AKT3: variants seen among roughly 807,000 people sequenced by gnomAD.
AKT3 encodes RAC-gamma serine/threonine-protein kinase.
A neutral mutation model predicts 65.3 loss-of-function variants in AKT3; 15 were observed. That is an observed-to-expected ratio of 0.23 (90% CI 0.15 to 0.35). The LOEUF is 0.35. AKT3 is among the 10% of genes least tolerant of loss of function. AKT3 has a pLI of 1.00. For synonymous variants in AKT3, 206 were observed against 183.8 expected, an observed-to-expected ratio of 1.12 and a Z score of -0.98; for missense variants, 243 against 576.5, an observed-to-expected ratio of 0.42 and a Z score of 5.92.
chr1:243,807,466 C>T (rs571911572), intron 2 of AKT3, among the ~76,000 whole-genome samples: 31 of 150,208 alleles, frequency 2.1e-4, no homozygotes, highest in Admixed American at 6.6e-4. Flanking sequence ...CAAACTGCAA[C>T]GCGGCAGCAA....
chr1:243,638,058 G>A (rs1231355458), intron 5 of AKT3, among the ~76,000 whole-genome samples: 1 of 152,030 alleles, frequency 6.6e-6, no homozygotes, highest in East Asian at 1.9e-4. Context: ...AGTTTTCAAG[G>A]ATTTAGTAGT....
chr1:243,626,582 A>T (rs1014243381), intron 6 of AKT3, among the ~76,000 whole-genome samples: 1 of 152,170 alleles, frequency 6.6e-6, no homozygotes, highest in South Asian at 2.1e-4. Flanking sequence ...TCTTTTAACT[A>T]ATCTCCTAGT....
intron 8 of AKT3, among the ~76,000 whole-genome samples, chr1:243,612,251 G>A (rs1358190171): frequency 6.6e-6 from 1 of 151,852 alleles, no homozygotes; most frequent in Non-Finnish European, 1.5e-5. Flanking sequence ...GGGAGTACAG[G>A]AGCTGGGTGT....
intron 5 of AKT3, among the ~76,000 whole-genome samples, chr1:243,640,630 C>T (rs1005354815): frequency 1.3e-5 from 2 of 152,050 alleles, no homozygotes; most frequent in African/African-American, 4.8e-5. Context: ...GAGAGAGAGA[C>T]CAAGTGGAGG....
intron 8 of AKT3, among the ~76,000 whole-genome samples, chr1:243,584,709 T>TA (rs1675663160): frequency 6.6e-6 from 1 of 151,996 alleles, no homozygotes; most frequent in South Asian, 2.1e-4. Context: ...CACTTTATGA[T>TA]AAAAACCCTC....
intron 8 of AKT3, chr1:243,613,146 T>C (rs1678021099): frequency 7.1e-6 from 1 of 141,142 alleles, no homozygotes; most frequent in Non-Finnish European, 1.5e-5. Context: ...TACATACATA[T>C]ATATACACAT....
At chr1:243,754,805 C>T (rs1689025483) in intron 2 of AKT3, among the ~76,000 whole-genome samples, 1 of 152,174 alleles carries the variant, frequency 6.6e-6, no homozygotes. Flanking sequence ...TCCATGAAAG[C>T]AGCCCCCGGT....
In AKT3 at chr1:243,769,148, TATTTC is replaced by T. The variant is rs1429666826; in HGVS notation, c.47-73437_47-73433del. 4.6e-5 allele frequency among the ~76,000 whole-genome samples: 7 copies of T among 152,320 alleles called. No individual in the cohort carries two copies. In the East Asian group the frequency reaches 9.6e-4, roughly 21 times the overall value. The stretch of plus-strand genomic sequence containing the variant: ...TTCACTTAGCCGAGCTTTTCAAGGT[TATTTC>T]ATTTCTTTTCTGTCTGAATAATGCT... On this transcript the variant is annotated intron_variant, in intron 2 of 13. Transcript: ENST00000673466.
intron 2 of AKT3, chr1:243,735,892 T>A (rs1364459192): frequency 6.6e-6 from 1 of 152,214 alleles, no homozygotes; most frequent in Admixed American, 6.5e-5. Context: ...CAAATATTAT[T>A]AAAAAGTAAA....
chr1:243,573,171 A>G (rs1674687191), intron 8 of AKT3, 123 bp from the exon 9 acceptor site: 1 of 1,180,194 alleles, frequency 8.5e-7, no homozygotes. Flanking sequence ...CTCAGTGGAC[A>G]CTGAGCACTC....
chr1:243,773,206 A>AT (rs1461518465), intron 2 of AKT3, among the ~76,000 whole-genome samples: 20 of 146,094 alleles, frequency 1.4e-4, no homozygotes, highest in Admixed American at 6.8e-5. Flanking sequence ...TATATATAAA[A>AT]AATATATATA....
At chr1:243,527,926 CACACACACACAGAG>C (rs1205859643) in intron 12 of AKT3, among the ~76,000 whole-genome samples, 264 of 62,210 alleles carry the variant, frequency 4.2e-3, no homozygotes, top group Middle Eastern at 7.4e-3. Flanking sequence ...CACACACACA[CACACACACACAGAG>C]AGAGAGAGAG....
chr1:243,762,467 G>A (rs1199481155), intron 2 of AKT3, among the ~76,000 whole-genome samples: 3 of 152,128 alleles, frequency 2.0e-5, no homozygotes, highest in East Asian at 1.9e-4. Flanking sequence ...GGCTATGAAA[G>A]CATCCAAAAA....
chr1:243,534,853 T>C (rs1671785317), intron 12 of AKT3, among the ~76,000 whole-genome samples: 1 of 151,994 alleles, frequency 6.6e-6, no homozygotes, highest in African/African-American at 2.4e-5. Context: ...TAGAGGAAAA[T>C]TTATAGCATT....
At chr1:243,530,722 C>T (rs554157457) in intron 12 of AKT3, among the ~76,000 whole-genome samples, 2 of 152,176 alleles carry the variant, frequency 1.3e-5, no homozygotes, top group Admixed American at 6.5e-5. Context: ...AAAAGATGAA[C>T]AAATCCAGGA....
intron 2 of AKT3, among the ~76,000 whole-genome samples, chr1:243,842,622 GC>G (rs1183542364): frequency 6.6e-6 from 1 of 152,042 alleles, no homozygotes; most frequent in Non-Finnish European, 1.5e-5. Flanking sequence ...TCCTCATTTG[GC>G]CTTTTACGTC....
chr1:243,597,296 C>T (rs752991965), intron 8 of AKT3, among the ~76,000 whole-genome samples: 6 of 152,088 alleles, frequency 3.9e-5, no homozygotes, highest in Non-Finnish European at 7.3e-5. Flanking sequence ...AGTGTATCTA[C>T]ATAATTAGTA....
At chr1:243,509,070 A>G (rs748351581) in intron 13 of AKT3, among the ~76,000 whole-genome samples, 1 of 152,166 alleles carries the variant, frequency 6.6e-6, no homozygotes, top group Non-Finnish European at 1.5e-5. Flanking sequence ...CTCTGTCTCA[A>G]TCTAGAAGTG....
Position 243,501,598 on chromosome 1 carries a change from ATGTG to A in AKT3, c.*3647_*3650del, listed in dbSNP as rs372382366. Reference sequence around the variant, plus strand: ...TTCACTGAAGTAAAAATGATCCCCTATGTGTGTGTGTGTGAGCTACAAGGAATTA... The same window carrying A: ...TTCACTGAAGTAAAAATGATCCCCTATGTGTGTGTGAGCTACAAGGAATTA... On this transcript the variant is annotated 3_prime_UTR_variant, in exon 14 of 14. Transcript: ENST00000673466. The A allele has an allele frequency of 1.3e-5, 3 of 229,716 alleles. No homozygotes were observed. The highest frequency in any genetic ancestry group is 4.4e-5 in the African/African-American group (2 of 44,966). 14.2% of individuals were successfully genotyped at this position (229,716 alleles called of 1,614,324 possible).
Sources: gnomAD v4.1 joint callset for allele counts (sites outside exome capture counted in the v4.1 genomes callset) on GRCh38, gnomAD v4.1.1 for gene constraint, MANE v1.5 for transcripts, NCBI Gene and HGNC (gene_info 2026-07-23, HGNC 2026-07-21) for gene names.